PADI2: variants seen among roughly 807,000 people sequenced by gnomAD.
PADI2 encodes protein-arginine deiminase type-2.
A neutral mutation model predicts 81.1 loss-of-function variants in PADI2; 70 were observed. The ratio of observed to expected loss-of-function variants is 0.86; its 90% CI spans 0.71 to 1.05. The LOEUF (loss-of-function observed/expected upper bound fraction) is 1.05. PADI2 is among the 50% of genes least tolerant of loss of function. The pLI, the probability that PADI2 is intolerant of heterozygous loss-of-function variation, is 0.00. For synonymous variants in PADI2, 338 were observed against 358.0 expected (o/e 0.94, Z 0.63); for missense variants, 853 against 889.9 (o/e 0.96, Z 0.53).
At chr1:17,071,680 G>A (rs2078265586) in intron 13 of PADI2, among the ~76,000 whole-genome samples, 189 bp from the exon 14 acceptor site, 1 of 152,162 alleles carries the variant, frequency 6.6e-6, no homozygotes, top group African/African-American at 2.4e-5. Context: ...GGGGAGGGCA[G>A]CACACACTCT....
intron 13 of PADI2, among the ~76,000 whole-genome samples, chr1:17,072,201 A>T (rs190332188): frequency 1.9e-3 from 295 of 152,316 alleles, no homozygotes; most frequent in Non-Finnish European, 3.0e-3. Context: ...TCCAGAGCCT[A>T]TGCTCTTAAC....
rs903143737 is a variant in PADI2 at position 17,085,348 on chromosome 1, G to A, written c.835-646C>T. Among the ~76,000 whole-genome samples the A allele has an allele frequency of 2.0e-5, 3 of 152,300 alleles. No homozygotes were observed. The East Asian group carries it at 5.8e-4, about 29-fold the overall frequency. ...CCATCCTTGGTGGGGAGGTGCGGGG[G>A]TGGTGGGACTGTTGCACGGCTTGCC... On this transcript the variant is annotated intron_variant, in intron 7 of 15. Coordinates refer to ENST00000375486, the MANE Select transcript of PADI2 (RefSeq NM_007365.3).
At chr1:17,094,068 G>C (rs537737346) in intron 4 of PADI2, among the ~76,000 whole-genome samples, 1 of 152,154 alleles carries the variant, frequency 6.6e-6, no homozygotes, top group African/African-American at 2.4e-5. Flanking sequence ...CCACCCAGCT[G>C]TTTCCAGACA....
At chr1:17,079,972 G>A (rs977436862) in intron 10 of PADI2, among the ~76,000 whole-genome samples, 2 of 152,004 alleles carry the variant, frequency 1.3e-5, no homozygotes, top group African/African-American at 4.8e-5. Context: ...TGTATTTTTA[G>A]TAGAGATGGG....
intron 1 of PADI2, among the ~76,000 whole-genome samples, chr1:17,107,907 A>G (rs1931442348): frequency 2.7e-5 from 4 of 149,738 alleles, no homozygotes; most frequent in Admixed American, 2.6e-4. Context: ...GAGACTGGAC[A>G]CTTCTTGGTC....
chr1:17,117,852 G>C (rs771937014), intron 1 of PADI2, among the ~76,000 whole-genome samples: 5 of 152,246 alleles, frequency 3.3e-5, no homozygotes, highest in African/African-American at 4.8e-5. Context: ...AGGGCTGGGG[G>C]TGGGGAAGGC....
intron 13 of PADI2, 87 bp downstream of exon 13, chr1:17,074,769 A>C: frequency 1.3e-6 from 1 of 755,474 alleles, no homozygotes; most frequent in Non-Finnish European, 2.2e-6. Context: ...GTGCTCAGGG[A>C]CAAAGTGCTT....
At chr1:17,089,498 G>A (rs1157697355) in intron 6 of PADI2, among the ~76,000 whole-genome samples, 3 of 152,322 alleles carry the variant, frequency 2.0e-5, no homozygotes, top group African/African-American at 7.2e-5. Flanking sequence ...CAAGGTCTGG[G>A]GTAGGAACAG....
At chr1:17,114,803 C>T (rs1931704091) in intron 1 of PADI2, among the ~76,000 whole-genome samples, 1 of 152,020 alleles carries the variant, frequency 6.6e-6, no homozygotes, top group Non-Finnish European at 1.5e-5. Context: ...GGATGGTGTT[C>T]CAGGCAGAGG....
At chr1:17,075,543 G>A (rs2078295910) in intron 12 of PADI2, 136 bp downstream of exon 12, 2 of 791,212 alleles carry the variant, frequency 2.5e-6, no homozygotes, top group South Asian at 4.5e-5. Flanking sequence ...GCAACAACAT[G>A]CAAACCAGCT....
chr1:17,089,993 G>C (rs571662190), intron 6 of PADI2, among the ~76,000 whole-genome samples: 44 of 152,330 alleles, frequency 2.9e-4, no homozygotes, highest in African/African-American at 7.7e-4. Context: ...GGAGCCCTCA[G>C]TGCTAAAATA....
At position 17,096,327 on chromosome 1, in the gene PADI2, A is replaced by C. The variant is rs184246571; in HGVS notation, c.350-357T>G. Among the ~76,000 whole-genome samples, 135 of 152,348 alleles carry C rather than the reference A, an allele frequency of 8.9e-4. 2 individuals carry two copies. Among genetic ancestry groups the C allele is most frequent in the Non-Finnish European group, 5.9e-5 (4 of 68,032 alleles). On this transcript the variant is annotated intron_variant, in intron 3 of 15. Coordinates refer to ENST00000375486, the MANE Select transcript of PADI2 (RefSeq NM_007365.3). ...GTCGCATGCCCAAGATCACATAGGG[A>C]CGCTAGCAGAACTGGGGTACACAGT...
In PADI2 at chr1:17,068,646, G is replaced by A. The variant is rs1005155912; in HGVS notation, c.*398C>T. ...GGTCCCTTTCCATGGATTCTACCTTGATTTTCAGAGCATGGCTGCTGGAAG... is the reference window on the plus strand; with the variant it reads ...GGTCCCTTTCCATGGATTCTACCTTAATTTTCAGAGCATGGCTGCTGGAAG... On this transcript the variant is annotated 3_prime_UTR_variant, in exon 16 of 16. Coordinates refer to ENST00000375486, the MANE Select transcript of PADI2 (RefSeq NM_007365.3). 9.4e-6 allele frequency: 2 copies of A among 213,190 alleles called. No individual in the cohort carries two copies. The highest frequency in any genetic ancestry group is 4.6e-5 in the African/African-American group (2 of 43,122). The allele number at this position is 213,190 out of a possible 1,614,324, so 13.2% of individuals were successfully genotyped here. A position where few individuals can be genotyped will look rare whatever the true frequency, so the allele number is the denominator to read the frequency against.
intron 1 of PADI2, among the ~76,000 whole-genome samples, chr1:17,111,001 G>A (rs1184596813): frequency 2.0e-5 from 3 of 151,378 alleles, no homozygotes; most frequent in African/African-American, 7.3e-5. Flanking sequence ...CACTTACAAT[G>A]TGCCAGGCAC....
intron 1 of PADI2, among the ~76,000 whole-genome samples, chr1:17,112,417 C>T (rs1011466675): frequency 6.6e-6 from 1 of 152,106 alleles, no homozygotes; most frequent in Non-Finnish European, 1.5e-5. Flanking sequence ...TTAGCTTGCC[C>T]GCCTGGCCTG....
At chr1:17,076,217 C>CT (rs113475157) in intron 11 of PADI2, among the ~76,000 whole-genome samples, 4 of 150,124 alleles carry the variant, frequency 2.7e-5, no homozygotes, top group Admixed American at 6.6e-5. Flanking sequence ...TTACTTTAAT[C>CT]TTTTTTTTTT....
intron 3 of PADI2, among the ~76,000 whole-genome samples, chr1:17,097,289 A>G (rs1299658796): frequency 6.6e-6 from 1 of 152,096 alleles, no homozygotes; most frequent in Non-Finnish European, 1.5e-5. Flanking sequence ...CACTGATGTC[A>G]CCCTTCTCTG....
At chr1:17,079,464 C>T in intron 10 of PADI2, 49 bp from the exon 11 acceptor site, 1 of 1,520,956 alleles carries the variant, frequency 6.6e-7, no homozygotes, top group Middle Eastern at 1.7e-4. Context: ...CCAGGGTCCT[C>T]AGCCCCCAAG....
chr1:17,102,751 T>TCGG (rs1553183545), intron 3 of PADI2, among the ~76,000 whole-genome samples: 1 of 139,516 alleles, frequency 7.2e-6, no homozygotes, highest in Non-Finnish European at 1.6e-5. Context: ...CCTTGACACT[T>TCGG]GGGGGGGGGT....
Sources: allele counts gnomAD v4.1 joint callset (sites outside exome capture counted in the v4.1 genomes callset), GRCh38; gene constraint gnomAD v4.1.1; transcripts MANE v1.5; gene names NCBI Gene and HGNC (gene_info 2026-07-23, HGNC 2026-07-21).